MATN2: variants seen among roughly 807,000 people sequenced by gnomAD.
MATN2 encodes the protein matrilin 2, also known as matrilin-2.
A neutral mutation model predicts 103.2 loss-of-function variants in MATN2; 69 were observed. That is an observed-to-expected ratio of 0.67 (90% CI 0.55 to 0.82). The LOEUF is 0.82. Among genes scored for constraint, MATN2 ranks in the 40% least tolerant of loss-of-function variants. The pLI is 0.00. For synonymous variants in MATN2, 429 were observed against 450.2 expected (o/e 0.95, Z 0.60); for missense variants, 1,023 against 1,211.5 (o/e 0.84, Z 2.31).
intron 1 of MATN2, among the ~76,000 whole-genome samples, chr8:97,872,399 C>T (rs1817924900): frequency 6.6e-6 from 1 of 152,164 alleles, no homozygotes; most frequent in Non-Finnish European, 1.5e-5. Context: ...CATGGGGATA[C>T]CCTGTAGTTA....
chr8:97,916,297 T>C (rs1043871854), intron 2 of MATN2, among the ~76,000 whole-genome samples: 1 of 152,156 alleles, frequency 6.6e-6, no homozygotes, highest in Non-Finnish European at 1.5e-5. Flanking sequence ...CTCGAACTCC[T>C]GGCCTCACGT....
At chr8:97,994,032 A>G (rs1812480266) in intron 6 of MATN2, among the ~76,000 whole-genome samples, 1 of 147,392 alleles carries the variant, frequency 6.8e-6, no homozygotes, top group Non-Finnish European at 1.5e-5. Context: ...ATAATAATAG[A>G]AGAAGAAGAA....
intron 14 of MATN2, among the ~76,000 whole-genome samples, 183 bp from the exon 15 acceptor site, chr8:98,030,279 G>A (rs538927274): frequency 1.6e-4 from 25 of 152,260 alleles, no homozygotes; most frequent in Admixed American, 1.5e-3. Context: ...TTCTCTCTTG[G>A]ATCCCTCCCT....
chr8:98,009,599 G>A (rs1397672663), intron 10 of MATN2, among the ~76,000 whole-genome samples: 1 of 152,168 alleles, frequency 6.6e-6, no homozygotes, highest in Non-Finnish European at 1.5e-5. Flanking sequence ...ACCTCTTCAG[G>A]CACCTTGGGT....
In MATN2 at chr8:98,005,776, G is replaced by C. The variant is rs1359287235; in HGVS notation, c.1328-1329G>C. On this transcript the variant is annotated intron_variant, in intron 8 of 18. Transcript: ENST00000254898. The surrounding 1 kb of genome is among the most constrained non-coding windows in gnomAD (Gnocchi z 4.6). ...CTGCATCCTCACAGCCGCCCTACTG[G>C]GCACCCACATTCTTGTCGCTATTTA... 2.6e-5 allele frequency among the ~76,000 whole-genome samples: 4 copies of C among 152,102 alleles called. No individual in the cohort carries two copies. The highest frequency in any genetic ancestry group is 9.7e-5 in the African/African-American group (4 of 41,400).
intron 3 of MATN2, among the ~76,000 whole-genome samples, chr8:97,935,060 T>C (rs1339427148): frequency 7.9e-5 from 12 of 152,166 alleles, no homozygotes. Context: ...ATACTTAAAA[T>C]AGCCGTTTGA....
intron 2 of MATN2, among the ~76,000 whole-genome samples, chr8:97,927,647 A>T (rs1810030376): frequency 6.6e-6 from 1 of 152,210 alleles, no homozygotes; most frequent in African/African-American, 2.4e-5. Flanking sequence ...TCAACTCAGA[A>T]TTACAGCTTT....
intron 5 of MATN2, among the ~76,000 whole-genome samples, chr8:97,968,363 CT>C (rs531443390): frequency 8.5e-4 from 129 of 152,360 alleles, no homozygotes; most frequent in African/African-American, 2.9e-3. Flanking sequence ...GCTCCACAGC[CT>C]GCTTGTATTC....
chr8:97,955,680 G>A (rs562288897), intron 4 of MATN2, among the ~76,000 whole-genome samples: 18 of 152,302 alleles, frequency 1.2e-4, no homozygotes, highest in Admixed American at 8.5e-4. Context: ...GGCACCGTAA[G>A]GAACACCAAG....
At chr8:97,923,048 T>C (rs1809867114) in intron 2 of MATN2, among the ~76,000 whole-genome samples, 1 of 152,246 alleles carries the variant, frequency 6.6e-6, no homozygotes, top group Non-Finnish European at 1.5e-5. Context: ...TCGTTTGCCT[T>C]GCTGAGATCC....
chr8:97,945,329 A>C (rs1810710299), intron 4 of MATN2, among the ~76,000 whole-genome samples: 1 of 152,186 alleles, frequency 6.6e-6, no homozygotes, highest in Admixed American at 6.5e-5. Flanking sequence ...TTTTACAGAT[A>C]AGCAAAATAA....
chr8:97,905,940 T>C (rs929305465), intron 2 of MATN2, among the ~76,000 whole-genome samples: 1 of 152,162 alleles, frequency 6.6e-6, no homozygotes, highest in African/African-American at 2.4e-5. Flanking sequence ...GGATTATAGG[T>C]GTGAACCACT....
At chr8:97,964,859 A>G (rs1811432749) in intron 5 of MATN2, among the ~76,000 whole-genome samples, 1 of 151,708 alleles carries the variant, frequency 6.6e-6, no homozygotes, top group African/African-American at 2.4e-5. Context: ...TCAGACTCCC[A>G]AGTTGCTGGG....
intron 14 of MATN2, 101 bp from the exon 15 acceptor site, chr8:98,030,361 A>G: frequency 1.2e-6 from 1 of 852,694 alleles, no homozygotes; most frequent in Non-Finnish European, 1.8e-6. Flanking sequence ...TTCAAATCAT[A>G]CCACTTAACA....
chr8:97,953,190 C>T (rs1003314855), intron 4 of MATN2, among the ~76,000 whole-genome samples: 1 of 151,980 alleles, frequency 6.6e-6, no homozygotes, highest in Non-Finnish European at 1.5e-5. Context: ...TAGGTGTGAC[C>T]CATCGTGCCG....
intron 13 of MATN2, among the ~76,000 whole-genome samples, chr8:98,021,909 T>C (rs1208153434): frequency 6.6e-6 from 1 of 152,192 alleles, no homozygotes; most frequent in Non-Finnish European, 1.5e-5. Flanking sequence ...GGCAAAGGTA[T>C]ATTGTAGTAG....
Position 97,888,130 on chromosome 8 carries a change from G to A in MATN2, c.30G>A (p.Leu10=), listed in dbSNP as rs1818504718. 6.2e-7 allele frequency: 1 copy of A among 1,607,770 alleles called. No individual in the cohort carries two copies. Among genetic ancestry groups the A allele is most frequent in the Admixed American group, 1.7e-5 (1 of 58,698 alleles). The part of the protein sequence containing the change: MEKMLAGCF[L]LILGQIVLLP... Reference sequence around the variant, plus strand: ...AAAAGATGCTCGCAGGCTGCTTTCTGCTGATCCTCGGACAGATCGTCCTCC... The same window carrying A: ...AAAAGATGCTCGCAGGCTGCTTTCTACTGATCCTCGGACAGATCGTCCTCC... Residue 10 remains leucine (L), a synonymous_variant, in exon 2 of 19, where the codon CTG becomes CTA. Transcript: ENST00000254898.
intron 3 of MATN2, among the ~76,000 whole-genome samples, chr8:97,932,099 C>T (rs930817): frequency 0.087 from 13,223 of 152,168 alleles, 870 homozygotes; most frequent in Admixed American, 0.2. Context: ...ACCCCAGGAC[C>T]TTATCTAGGC....
At chr8:97,964,025 G>C (rs1052689037) in intron 5 of MATN2, among the ~76,000 whole-genome samples, 25 of 152,248 alleles carry the variant, frequency 1.6e-4, no homozygotes, top group Admixed American at 1.5e-3. Flanking sequence ...TGGAAGATCT[G>C]AGTGTGGAAG....
Sources: gnomAD v4.1 joint callset for allele counts (sites outside exome capture counted in the v4.1 genomes callset) on GRCh38, gnomAD v4.1.1 for gene constraint, Gnocchi (gnomAD v3.1) non-coding constraint, MANE v1.5 for transcripts, NCBI Gene and HGNC (gene_info 2026-07-23, HGNC 2026-07-21) for gene names.